PTPRD: variants seen among roughly 807,000 people sequenced by gnomAD.
PTPRD encodes protein tyrosine phosphatase receptor type D.
A neutral mutation model predicts 214.5 loss-of-function variants in PTPRD; 34 were observed. That is an observed-to-expected ratio of 0.16 (90% CI 0.12 to 0.21). PTPRD has a LOEUF of 0.21. PTPRD is among the 10% of genes least tolerant of loss of function. PTPRD has a pLI of 1.00. For synonymous variants in PTPRD, 1,128 were observed against 845.7 expected, an observed-to-expected ratio of 1.33 and a Z score of -5.79; for missense variants, 2,545 against 2,398.7, an observed-to-expected ratio of 1.06 and a Z score of -1.27.
chr9:9,058,675 T>C (rs1411331280), intron 10 of PTPRD, among the ~76,000 whole-genome samples: 2 of 151,530 alleles, frequency 1.3e-5, no homozygotes, highest in Admixed American at 1.3e-4. Flanking sequence ...GGTCTCGATC[T>C]CCTGACCTCG....
chr9:9,251,877 GC>G (rs1569565725), intron 9 of PTPRD, among the ~76,000 whole-genome samples: 1 of 152,020 alleles, frequency 6.6e-6, no homozygotes, highest in African/African-American at 2.4e-5. Flanking sequence ...TACGCATTGG[GC>G]CACCTTGATG....
chr9:10,442,033 A>G (rs950114753), intron 2 of PTPRD, among the ~76,000 whole-genome samples: 3 of 151,580 alleles, frequency 2.0e-5, no homozygotes, highest in Non-Finnish European at 3.0e-5. Flanking sequence ...GCTAAATATA[A>G]ATGTTTGAAG....
At chr9:8,901,613 G>C (rs542011710) in intron 11 of PTPRD, among the ~76,000 whole-genome samples, 1 of 152,120 alleles carries the variant, frequency 6.6e-6, no homozygotes, top group South Asian at 2.1e-4. Context: ...AGGCTGGAAC[G>C]TAGGTCTCCT....
intron 9 of PTPRD, among the ~76,000 whole-genome samples, chr9:9,256,559 A>C (rs2099977793): frequency 6.6e-6 from 1 of 151,986 alleles, no homozygotes; most frequent in Non-Finnish European, 1.5e-5. Flanking sequence ...TAAAGTGAAA[A>C]TGACTTGCTA....
chr9:9,319,330 G>T (rs1428971959), intron 9 of PTPRD, among the ~76,000 whole-genome samples: 2 of 152,152 alleles, frequency 1.3e-5, no homozygotes, highest in Non-Finnish European at 2.9e-5. Flanking sequence ...GTGAGGGGTT[G>T]AATGTTAATC....
rs1256655239 is a variant in PTPRD at position 9,322,319 on chromosome 9, T to C, written c.-203+75130A>G. Among the ~76,000 whole-genome samples the C allele has an allele frequency of 3.3e-5, 5 of 152,180 alleles. No homozygotes were observed. The South Asian group carries it at 6.2e-4, about 19-fold the overall frequency. ...CATTTGCTATAGACCAAGGATTATATACATGTTTTATGTATATTGTCATAC... is the reference window on the plus strand; with the variant it reads ...CATTTGCTATAGACCAAGGATTATACACATGTTTTATGTATATTGTCATAC... On this transcript the variant is annotated intron_variant, in intron 9 of 45. Transcript: ENST00000381196.
At chr9:9,434,967 A>T (rs1328578610) in intron 8 of PTPRD, among the ~76,000 whole-genome samples, 1 of 151,156 alleles carries the variant, frequency 6.6e-6, no homozygotes, top group Middle Eastern at 3.5e-3. Context: ...CTGTCTCTTC[A>T]TAGAATTCTT....
chr9:8,722,110 A>C (rs185666854), intron 12 of PTPRD, among the ~76,000 whole-genome samples: 18 of 144,102 alleles, frequency 1.2e-4, no homozygotes, highest in Admixed American at 8.6e-4. Flanking sequence ...TTCTCCATAC[A>C]TTAAGTATTA....
intron 8 of PTPRD, among the ~76,000 whole-genome samples, chr9:9,486,651 G>C (rs1257568183): frequency 6.6e-6 from 1 of 152,014 alleles, no homozygotes; most frequent in East Asian, 1.9e-4. Context: ...TCTACAAACA[G>C]GCTATGTTGG....
chr9:9,650,044 A>T (rs953733878), intron 7 of PTPRD, among the ~76,000 whole-genome samples: 2 of 152,100 alleles, frequency 1.3e-5, no homozygotes, highest in African/African-American at 4.8e-5. Context: ...CTCATCTCAA[A>T]TTGTAATTCC....
intron 5 of PTPRD, among the ~76,000 whole-genome samples, chr9:9,932,745 C>T (rs1343794990): frequency 1.9e-5 from 2 of 102,880 alleles, no homozygotes; most frequent in African/African-American, 8.3e-5. Context: ...AGATACTCCT[C>T]GAGAAGAGCA....
intron 5 of PTPRD, among the ~76,000 whole-genome samples, chr9:9,928,788 A>ACACACACACACAC (rs1555348367): frequency 6.6e-6 from 1 of 151,324 alleles, no homozygotes; most frequent in African/African-American, 2.4e-5. Context: ...ACACACACAC[A>ACACACACACACAC]ATTTGCATTT....
At chr9:9,586,705 T>G (rs987405175) in intron 7 of PTPRD, among the ~76,000 whole-genome samples, 14 of 151,980 alleles carry the variant, frequency 9.2e-5, no homozygotes, top group African/African-American at 3.4e-4. Context: ...TGGAAAGAGA[T>G]ATAGTCAGAG....
intron 11 of PTPRD, among the ~76,000 whole-genome samples, chr9:8,893,559 G>A (rs984551356): frequency 1.3e-5 from 2 of 152,160 alleles, no homozygotes; most frequent in African/African-American, 2.4e-5. Context: ...TCAAGTGTTG[G>A]CAAGTGTGTG....
At chr9:8,981,941 T>A (rs1013423438) in intron 11 of PTPRD, among the ~76,000 whole-genome samples, 12 of 152,064 alleles carry the variant, frequency 7.9e-5, no homozygotes, top group Non-Finnish European at 1.5e-4. Flanking sequence ...CCACTGACTC[T>A]CTAGGATGAT....
At chr9:8,872,216 A>G (rs2098313189) in intron 11 of PTPRD, among the ~76,000 whole-genome samples, 1 of 152,182 alleles carries the variant, frequency 6.6e-6, no homozygotes, top group Non-Finnish European at 1.5e-5. Context: ...GTGAGAATGC[A>G]AAGAGGAAGA....
intron 2 of PTPRD, among the ~76,000 whole-genome samples, chr9:10,593,296 C>T (rs114201603): frequency 0.025 from 3,854 of 152,038 alleles, 164 homozygotes; most frequent in African/African-American, 0.087. Flanking sequence ...CCAGGAGATA[C>T]CCATGCTGCT....
intron 2 of PTPRD, among the ~76,000 whole-genome samples, chr9:10,598,684 G>A (rs1248914695): frequency 2.0e-5 from 2 of 100,802 alleles, no homozygotes; most frequent in East Asian, 3.7e-4. Context: ...ATGTGTGTGT[G>A]TGTGTGTGTG....
intron 8 of PTPRD, among the ~76,000 whole-genome samples, chr9:9,559,777 G>A (rs2082428397): frequency 6.6e-6 from 1 of 152,200 alleles, no homozygotes. Flanking sequence ...GTCTGTGACA[G>A]ACCGTACAGC....
Sources: gnomAD v4.1 joint callset for allele counts (sites outside exome capture counted in the v4.1 genomes callset) on GRCh38, gnomAD v4.1.1 for gene constraint, MANE v1.5 for transcripts, NCBI Gene and HGNC (gene_info 2026-07-23, HGNC 2026-07-21) for gene names.